The following SUSD3 variants were observed in gnomAD, a reference collection of about 807,000 sequenced individuals.
SUSD3 encodes the protein sushi domain-containing protein 3.
In SUSD3, 18 loss-of-function variants were observed where a neutral mutation model predicts 20.6. That is an observed-to-expected ratio of 0.87 (90% CI 0.60 to 1.30). SUSD3 has a LOEUF of 1.30. SUSD3 is among the 50% of genes most tolerant of loss of function. SUSD3 has a pLI of 0.00. For synonymous variants in SUSD3, 137 were observed against 141.5 expected (o/e 0.97, Z 0.23); for missense variants, 306 against 346.9 (o/e 0.88, Z 0.94).
Position 93,065,048 on chromosome 9 carries a change from T to TG in SUSD3, c.88+6219dup, listed in dbSNP as rs551336880. ...CCCAGACCGCTCAGCAGTGGTTAAATGTCTGGGTCCTGGATGGGGAGTGGT... is the reference window on the plus strand; with the variant it reads ...CCCAGACCGCTCAGCAGTGGTTAAATGGTCTGGGTCCTGGATGGGGAGTGGT... On this transcript the variant is annotated intron_variant, in intron 1 of 4. Transcript: ENST00000375472. Among the ~76,000 whole-genome samples the TG allele has an allele frequency of 5.6e-4, 85 of 152,356 alleles. 1 individual carries two copies. The highest frequency in any genetic ancestry group is 1.6e-3 in the African/African-American group (66 of 41,580).
intron 1 of SUSD3, among the ~76,000 whole-genome samples, chr9:93,060,834 C>T (rs1327684091): frequency 6.6e-6 from 1 of 152,172 alleles, no homozygotes; most frequent in African/African-American, 2.4e-5. Context: ...GAGATTCTGT[C>T]TCAAAACAAA....
chr9:93,074,323 G>A lies in SUSD3; in HGVS notation c.89-1461G>A, dbSNP rs557957264. Among the ~76,000 whole-genome samples, 14 of 151,474 alleles carry A rather than the reference G, an allele frequency of 9.2e-5. No homozygotes were observed. The East Asian group carries it at 2.2e-3, about 23-fold the overall frequency. The stretch of plus-strand genomic sequence containing the variant: ...CACATGCCTGTAATCCCAGCTACTC[G>A]GGAGGGTGAGGCAGGAGAATTGCTT... On this transcript the variant is annotated intron_variant, in intron 1 of 4. Transcript: ENST00000375472.
At chr9:93,083,463 G>A (rs1440578435) in intron 4 of SUSD3, among the ~76,000 whole-genome samples, 1 of 152,242 alleles carries the variant, frequency 6.6e-6, no homozygotes, top group Non-Finnish European at 1.5e-5. Context: ...TTAGCAAGGT[G>A]AGGTTTGCCT....
At chr9:93,083,144 A>G (rs901264099) in intron 4 of SUSD3, among the ~76,000 whole-genome samples, 1 of 152,078 alleles carries the variant, frequency 6.6e-6, no homozygotes, top group African/African-American at 2.4e-5. Context: ...CTTAGGGGCC[A>G]CTCTGACAGT....
chr9:93,074,180 C>T, intron 1 of SUSD3, among the ~76,000 whole-genome samples: 1 of 152,026 alleles, frequency 6.6e-6, no homozygotes, highest in Non-Finnish European at 1.5e-5. Context: ...TGTGGTGGCT[C>T]ACGTCTGTAA....
At chr9:93,070,472 G>A (rs2118945462) in intron 1 of SUSD3, among the ~76,000 whole-genome samples, 1 of 152,350 alleles carries the variant, frequency 6.6e-6, no homozygotes, top group Non-Finnish European at 1.5e-5. Context: ...AGAAAGGATG[G>A]GGGCAGCCCG....
chr9:93,065,307 C>A (rs548852059), intron 1 of SUSD3, among the ~76,000 whole-genome samples: 5 of 152,358 alleles, frequency 3.3e-5, no homozygotes, highest in Admixed American at 6.5e-5. Flanking sequence ...CCCCTCCAGG[C>A]ATCTCATTAT....
Position 93,077,839 on chromosome 9 carries a change from C to T in SUSD3, c.278-7C>T. On this transcript the variant is annotated splice_region_variant and splice_polypyrimidine_tract_variant and intron_variant, in intron 2 of 4. Transcript: ENST00000375472. ...CGCCCAGGAGCTGGTGGTTGTCTCC[C>T]ACACAGTGGTGCCACCACACGAGAC... 1 of 1,614,156 alleles carries T rather than the reference C, an allele frequency of 6.2e-7. No homozygotes were observed.
chr9:93,079,487 T>A lies in SUSD3; in HGVS notation c.442T>A (p.Ser148Thr). ...RRSNRSAQLW[S>T]QLKDEDLETV... ...CTCCTCCAGGTCAGCCCAGCTGTGGTCCCAGCTGAAAGATGAGGACTTGGA... is the reference window on the plus strand; with the variant it reads ...CTCCTCCAGGTCAGCCCAGCTGTGGACCCAGCTGAAAGATGAGGACTTGGA... Residue 148 changes from serine (S) to threonine (T), a missense_variant, in exon 4 of 5, where the codon TCC becomes ACC. Transcript: ENST00000375472. The A allele has an allele frequency of 6.2e-7, 1 of 1,613,966 alleles. No individual in the cohort carries two copies. The highest frequency in any genetic ancestry group is 1.6e-4 in the Middle Eastern group (1 of 6,062).
rs1233571463 is a variant in SUSD3 at position 93,084,778 on chromosome 9, C to T, written c.*31C>T. On this transcript the variant is annotated 3_prime_UTR_variant, in exon 5 of 5. Coordinates refer to ENST00000375472, the MANE Select transcript of SUSD3 (RefSeq NM_145006.4). ...CAGTGAGGCTGGTGCCCATGCTCCA[C>T]ACTGGGAGGCCAGGCTGACCCCACC... 1 of 1,450,414 alleles carries T rather than the reference C, an allele frequency of 6.9e-7. No homozygotes were observed. 89.8% of individuals were successfully genotyped at this position (1,450,414 alleles called of 1,614,324 possible). A position where few individuals can be genotyped will look rare whatever the true frequency, so the allele number is the denominator to read the frequency against.
rs1355471320 is a variant in SUSD3, at chr9:93,058,754, G to T, written c.12G>T (p.Ala4=). The change falls in exon 1 of 5, where the codon GCG becomes GCT. Residue 4 remains alanine (A), a synonymous_variant. Coordinates refer to ENST00000375472, the MANE Select transcript of SUSD3 (RefSeq NM_145006.4). MRW[A]AATLRGKARP... is the part of the protein sequence containing the mutation. ...TCGGAGCGCGCAGGATGCGCTGGGC[G>T]GCCGCCACCCTCCGTGGCAAGGCGA... The T allele has an allele frequency of 3.2e-6, 4 of 1,235,762 alleles. No homozygotes were observed. The Admixed American group carries it at 1.7e-4, about 52-fold the overall frequency. 76.5% of individuals were successfully genotyped at this position (1,235,762 alleles called of 1,614,324 possible).
chr9:93,077,964 G>C lies in SUSD3; in HGVS notation c.396G>C (p.Val132=). ...AFLTCCLLKC[V]KKSKRRRSNR... ...TCACCTGCTGCCTCCTCAAGTGCGT[G>C]AAGAAGAGCAAGCGGCGGCGCTCCA... is the stretch of plus-strand genomic sequence containing the variant. The change falls in exon 3 of 5, where the codon GTG becomes GTC. Residue 132 remains valine (V), a synonymous_variant. Transcript: ENST00000375472. 5 of 1,614,248 alleles carry C rather than the reference G, an allele frequency of 3.1e-6. No homozygotes were observed. The highest frequency in any genetic ancestry group is 4.2e-6 in the Non-Finnish European group (5 of 1,180,042).
intron 1 of SUSD3, among the ~76,000 whole-genome samples, chr9:93,073,801 T>C (rs983438133): frequency 3.3e-5 from 5 of 152,234 alleles, no homozygotes; most frequent in African/African-American, 9.6e-5. Context: ...GCTGCTGATA[T>C]ATGCATAGCA....
intron 1 of SUSD3, among the ~76,000 whole-genome samples, chr9:93,063,981 G>T (rs77350135): frequency 7.4e-4 from 113 of 152,224 alleles, no homozygotes; most frequent in African/African-American, 2.6e-3. Flanking sequence ...ATTTGACGGC[G>T]CATCCCGGAC....
chr9:93,077,991 C>A lies in SUSD3; in HGVS notation c.423C>A (p.Asn141Lys), dbSNP rs757133505. Residue 141 changes from asparagine to lysine, a missense_variant and splice_region_variant, in exon 3 of 5, where the codon AAC becomes AAA. Asn to Lys is a moderately conservative substitution (Grantham distance 94). Transcript: ENST00000375472. Reference protein sequence around the residue: ...CVKKSKRRRSNRSAQLWSQLK... With the variant: ...CVKKSKRRRSKRSAQLWSQLK... Reference sequence around the variant, plus strand: ...AGAAGAGCAAGCGGCGGCGCTCCAACAGGTACGGTGGCCTCATGATCTCAG... The same window carrying A: ...AGAAGAGCAAGCGGCGGCGCTCCAAAAGGTACGGTGGCCTCATGATCTCAG... 7 of 1,614,190 alleles carry A rather than the reference C, an allele frequency of 4.3e-6. No individual in the cohort carries two copies. The South Asian group carries it at 6.6e-5, about 15-fold the overall frequency.
intron 3 of SUSD3, among the ~76,000 whole-genome samples, 153 bp downstream of exon 3, chr9:93,078,146 A>C (rs753563344): frequency 1.3e-5 from 2 of 152,186 alleles, no homozygotes; most frequent in African/African-American, 4.8e-5. Context: ...CTCCCCCCCA[A>C]GTGCTGCTCC....
At chr9:93,059,864 TC>T (rs1825439870) in intron 1 of SUSD3, among the ~76,000 whole-genome samples, 1 of 152,248 alleles carries the variant, frequency 6.6e-6, no homozygotes, top group African/African-American at 2.4e-5. Context: ...TGAGACTTGT[TC>T]CTGGCGCTGG....
chr9:93,068,370 TG>T (rs1825794750), intron 1 of SUSD3, among the ~76,000 whole-genome samples: 1 of 152,222 alleles, frequency 6.6e-6, no homozygotes, highest in South Asian at 2.1e-4. Flanking sequence ...TTTTAGCATA[TG>T]GTATGAGCTA....
rs117862997 is a variant in SUSD3, at chr9:93,081,582, G to T, written c.557+1980G>T. Among the ~76,000 whole-genome samples the T allele has an allele frequency of 2.0e-5, 3 of 152,256 alleles. No homozygotes were observed. The East Asian group carries it at 5.8e-4, about 29-fold the overall frequency. ...GTTGCCACTCTTACGACCTTATGCA[G>T]ATGGGGAAACTGAGGCACAGGAGAT... On this transcript the variant is annotated intron_variant, in intron 4 of 4. Coordinates refer to ENST00000375472, the MANE Select transcript of SUSD3 (RefSeq NM_145006.4).
Sources: allele counts gnomAD v4.1 joint callset (sites outside exome capture counted in the v4.1 genomes callset), GRCh38; gene constraint gnomAD v4.1.1; transcripts MANE v1.5; gene names NCBI Gene and HGNC (gene_info 2026-07-23, HGNC 2026-07-21).